The following ZSCAN29 variants were observed in gnomAD, a reference collection of about 807,000 sequenced individuals.
ZSCAN29 encodes the protein zinc finger and SCAN domain containing 29, also known as zinc finger and SCAN domain-containing protein 29.
ZSCAN29 carries 55 observed loss-of-function variants against 71.9 expected under a neutral mutation model. The observed-to-expected ratio is 0.76, with a 90% CI of 0.62 to 0.96. The LOEUF is 0.96. Ranked by LOEUF, ZSCAN29 falls within the 40% of genes least tolerant of loss-of-function variation. The pLI is 0.00. For missense variants in ZSCAN29, 1,042 were observed against 1,042.2 expected (o/e 1.00, Z 0.00); for synonymous variants, 351 against 371.6 (o/e 0.94, Z 0.64).
chr15:43,363,940 A>G lies in ZSCAN29; in HGVS notation c.1665T>C (p.Ala555=). The G allele has an allele frequency of 6.2e-7, 1 of 1,607,278 alleles. No individual in the cohort carries two copies. The highest frequency in any genetic ancestry group is 8.5e-7 in the Non-Finnish European group (1 of 1,174,912). ...EIPPGAVITR[A]PVLFQSPRGF... ...CACGGGGGCTTTGGAATAACACTGGAGCACGGGTTATGACAGCCCCTGGGG... is the reference window on the plus strand; with the variant it reads ...CACGGGGGCTTTGGAATAACACTGGGGCACGGGTTATGACAGCCCCTGGGG... The change falls in exon 5 of 6, where the codon GCT becomes GCC. Residue 555 remains alanine (A), a synonymous_variant. Coordinates refer to ENST00000684362, the MANE Select transcript of ZSCAN29 (RefSeq NM_001372080.1).
Position 43,361,257 on chromosome 15 carries a change from C to T in ZSCAN29, c.2375G>A (p.Cys792Tyr). The T allele has an allele frequency of 6.2e-7, 1 of 1,614,194 alleles. No homozygotes were observed. The highest frequency in any genetic ancestry group is 8.5e-7 in the Non-Finnish European group (1 of 1,180,040). ...ACTGAAACTCTTTCCACAGTCAGGACACACATGGGGTCTCTCTCCTGTGTG... is the reference window on the plus strand; with the variant it reads ...ACTGAAACTCTTTCCACAGTCAGGATACACATGGGGTCTCTCTCCTGTGTG... ...RIHTGERPHVCPDCGKSFSKS... is the reference protein window; with the variant it reads ...RIHTGERPHVYPDCGKSFSKS... The change falls in exon 6 of 6, where the codon TGT (cysteine) becomes TAT (tyrosine). Residue 792 changes from cysteine (C) to tyrosine (Y), a missense_variant. By Grantham distance (194) the Cys-to-Tyr change is radical (BLOSUM62 -2). Transcript: ENST00000684362.
intron 3 of ZSCAN29, among the ~76,000 whole-genome samples, chr15:43,368,162 TC>T (rs991144323): frequency 6.6e-6 from 1 of 152,072 alleles, no homozygotes; most frequent in African/African-American, 2.4e-5. Context: ...ATAATTTAGT[TC>T]CCCACAATTA....
chr15:43,363,004 T>C (rs889463067), intron 5 of ZSCAN29, among the ~76,000 whole-genome samples: 1 of 152,046 alleles, frequency 6.6e-6, no homozygotes, highest in Non-Finnish European at 1.5e-5. Context: ...CTTTTTTTTT[T>C]TTTTCATTCG....
chr15:43,361,615 G>T lies in ZSCAN29; in HGVS notation c.2017C>A (p.Gln673Lys), dbSNP rs780255136. ...GCACATTTATATGGATTTTCCACCT[G>T]GTGGGATACCTGATGCATGAGAAGG... ...NSLLMHQVSH[Q>K]VENPYKCADC... The change falls in exon 6 of 6, where the codon CAG becomes AAG. Residue 673 changes from glutamine to lysine, a missense_variant. Gln to Lys is a moderately conservative substitution (Grantham distance 53). Coordinates refer to ENST00000684362, the MANE Select transcript of ZSCAN29 (RefSeq NM_001372080.1). The T allele has an allele frequency of 1.9e-6, 3 of 1,614,070 alleles. No homozygotes were observed. Among genetic ancestry groups the T allele is most frequent in the Non-Finnish European group, 2.5e-6 (3 of 1,180,042 alleles).
Position 43,361,485 on chromosome 15 carries a change from C to T in ZSCAN29, c.2147G>A (p.Arg716His), listed in dbSNP as rs368532710. The change falls in exon 6 of 6, where the codon CGT becomes CAT. Residue 716 changes from arginine to histidine, a missense_variant. Coordinates refer to ENST00000684362, the MANE Select transcript of ZSCAN29 (RefSeq NM_001372080.1). ...ATGGGTGATGAAATTTGAACTGTCA[C>T]GGAAACTTTTTCCACAGTCAAGACA... ...YKCLDCGKSFRDSSNFITHRR... is the reference protein window; with the variant it reads ...YKCLDCGKSFHDSSNFITHRR... The T allele has an allele frequency of 4.1e-5, 66 of 1,613,446 alleles. No individual in the cohort carries two copies. Among genetic ancestry groups the T allele is most frequent in the East Asian group, 6.7e-5 (3 of 44,890 alleles).
In ZSCAN29 at chr15:43,361,138, C is replaced by A. The variant is rs745700387; in HGVS notation, c.2494G>T (p.Ala832Ser). The part of the protein sequence containing the change: ...DCGKCFSKSS[A>S]LNKHGEIHAR... ...TGGATTTCTCCGTGCTTATTAAGGG[C>A]AGAGCTTTTACTGAAGCACTTACCA... Residue 832 changes from alanine (A) to serine (S), a missense_variant, in exon 6 of 6, where the codon GCC (alanine) becomes TCC (serine). By Grantham distance (99) the Ala-to-Ser change is moderately conservative. Transcript: ENST00000684362. 3.1e-6 allele frequency: 5 copies of A among 1,613,676 alleles called. No individual in the cohort carries two copies.
In ZSCAN29 at chr15:43,360,138, A is replaced by T. The variant is rs921605704; in HGVS notation, c.*935T>A. The stretch of plus-strand genomic sequence containing the variant: ...CCTAGGCAGGCAGATCATGAGGTCA[A>T]TTCAAAACCAGCCTGGCCAACATGG... On this transcript the variant is annotated 3_prime_UTR_variant, in exon 6 of 6. Transcript: ENST00000684362. 1 of 151,282 alleles carries T rather than the reference A, an allele frequency of 6.6e-6. No homozygotes were observed. Among genetic ancestry groups the T allele is most frequent in the African/African-American group, 2.4e-5 (1 of 41,052 alleles). 9.4% of individuals were successfully genotyped at this position (151,282 alleles called of 1,614,324 possible).
In ZSCAN29 at chr15:43,366,186, G is replaced by T. The variant is rs1269600048; in HGVS notation, c.1146C>A (p.Asp382Glu). The change falls in exon 4 of 6, where the codon GAC becomes GAA. Residue 382 changes from aspartate to glutamate, a missense_variant. Transcript: ENST00000684362. ...TCGCCTCTAGATCCATGTCATCACTGTCAGACTCCTGAGCCACAGCCTCTT... is the reference window on the plus strand; with the variant it reads ...TCGCCTCTAGATCCATGTCATCACTTTCAGACTCCTGAGCCACAGCCTCTT... Reference protein sequence around the residue: ...GAEEAVAQESDSDDMDLEATP... With the variant: ...GAEEAVAQESESDDMDLEATP... 6.2e-7 allele frequency: 1 copy of T among 1,613,914 alleles called. No individual in the cohort carries two copies. Among genetic ancestry groups the T allele is most frequent in the Non-Finnish European group, 8.5e-7 (1 of 1,180,032 alleles).
rs1420076800 is a variant in ZSCAN29 at position 43,361,604 on chromosome 15, A to T, written c.2028T>A (p.Asn676Lys). Residue 676 changes from asparagine (N) to lysine (K), a missense_variant, in exon 6 of 6, where the codon AAT (asparagine) becomes AAA (lysine). Asn to Lys is a moderately conservative substitution (Grantham distance 94, BLOSUM62 0). Coordinates refer to ENST00000684362, the MANE Select transcript of ZSCAN29 (RefSeq NM_001372080.1). ...LMHQVSHQVE[N>K]PYKCADCGKS... ...TCCCACAATCAGCACATTTATATGG[A>T]TTTTCCACCTGGTGGGATACCTGAT... 6.2e-7 allele frequency: 1 copy of T among 1,614,164 alleles called. No homozygotes were observed. The highest frequency in any genetic ancestry group is 1.1e-5 in the South Asian group (1 of 91,086).
chr15:43,367,667 T>C (rs2044053320), intron 3 of ZSCAN29, among the ~76,000 whole-genome samples: 1 of 152,216 alleles, frequency 6.6e-6, no homozygotes, highest in African/African-American at 2.4e-5. Context: ...TATAGTGTTC[T>C]CAATCATGTT....
At chr15:43,369,310 C>A (rs1411926340) in intron 2 of ZSCAN29, 183 bp from the exon 3 acceptor site, 11 of 619,002 alleles carry the variant, frequency 1.8e-5, no homozygotes, top group Non-Finnish European at 2.8e-5. Flanking sequence ...GTTGAAACTC[C>A]AGAAGGAAAC....
At chr15:43,362,112 T>C (rs2043988488) in intron 5 of ZSCAN29, among the ~76,000 whole-genome samples, 171 bp from the exon 6 acceptor site, 1 of 152,240 alleles carries the variant, frequency 6.6e-6, no homozygotes, top group Non-Finnish European at 1.5e-5. Flanking sequence ...ACTTCTCTAC[T>C]TGTTAACCTA....
chr15:43,360,965 GA>G lies in ZSCAN29; in HGVS notation c.*107del, dbSNP rs1376396157. ...CAAACAGTGGCATAAATCCTAAAGT[GA>G]ATTTCCTAAGCTAACTGGACACAGA... On this transcript the variant is annotated 3_prime_UTR_variant, in exon 6 of 6. Coordinates refer to ENST00000684362, the MANE Select transcript of ZSCAN29 (RefSeq NM_001372080.1). 5 of 1,417,926 alleles carry G rather than the reference GA, an allele frequency of 3.5e-6. No homozygotes were observed. The highest frequency in any genetic ancestry group is 2.8e-6 in the Non-Finnish European group (3 of 1,056,082). 87.8% of individuals were successfully genotyped at this position (1,417,926 alleles called of 1,614,324 possible). A position where few individuals can be genotyped will look rare whatever the true frequency, so the allele number is the denominator to read the frequency against.
rs2044044303 is a variant in ZSCAN29 at position 43,366,747 on chromosome 15, TG to T, written c.584del (p.Pro195GlnfsTer17). ...CTTTCTCCTTAGAGCCCAGCAGATCTGGGATCCATGGCTCTCCTTGCTCCAA... is the reference window on the plus strand; with the variant it reads ...CTTTCTCCTTAGAGCCCAGCAGATCTGGATCCATGGCTCTCCTTGCTCCAA... ...SRLEQGEPWI[P>X]DLLGSKEKEL... On this transcript the variant is annotated frameshift_variant, in exon 4 of 6. Transcript: ENST00000684362. LOFTEE classifies it high-confidence loss of function. 1.2e-6 allele frequency: 2 copies of T among 1,614,116 alleles called. No individual in the cohort carries two copies. Among genetic ancestry groups the T allele is most frequent in the African/African-American group, 1.3e-5 (1 of 74,942 alleles).
At position 43,360,966 on chromosome 15, in the gene ZSCAN29, A is replaced by C; in HGVS notation, c.*107T>G. The C allele has an allele frequency of 2.1e-6, 3 of 1,423,900 alleles. No homozygotes were observed. The East Asian group carries it at 6.9e-5, about 33-fold the overall frequency. The allele number at this position is 1,423,900 out of a possible 1,614,324, so 88.2% of individuals were successfully genotyped here. On this transcript the variant is annotated 3_prime_UTR_variant, in exon 6 of 6. Transcript: ENST00000684362. ...AAACAGTGGCATAAATCCTAAAGTG[A>C]ATTTCCTAAGCTAACTGGACACAGA... is the stretch of plus-strand genomic sequence containing the variant.
At chr15:43,367,395 A>G (rs2044049992) in intron 3 of ZSCAN29, among the ~76,000 whole-genome samples, 1 of 152,170 alleles carries the variant, frequency 6.6e-6, no homozygotes, top group African/African-American at 2.4e-5. Context: ...AGTGCCTACC[A>G]TACCCATTCC....
chr15:43,369,324 C>G, intron 2 of ZSCAN29, 197 bp from the exon 3 acceptor site: 1 of 605,724 alleles, frequency 1.7e-6, no homozygotes, highest in Non-Finnish European at 2.7e-6. Context: ...AGGAAACGAT[C>G]AAAATAGTAA....
chr15:43,367,106 G>A (rs1466287308), intron 3 of ZSCAN29, among the ~76,000 whole-genome samples: 1 of 152,218 alleles, frequency 6.6e-6, no homozygotes, highest in East Asian at 1.9e-4. Context: ...GTACTGCTGG[G>A]AATAATTGTT....
At position 43,361,780 on chromosome 15, in the gene ZSCAN29, C is replaced by G; in HGVS notation, c.1852G>C (p.Ala618Pro). 1 of 1,614,196 alleles carries G rather than the reference C, an allele frequency of 6.2e-7. No homozygotes were observed. Among genetic ancestry groups the G allele is most frequent in the South Asian group, 1.1e-5 (1 of 91,084 alleles). Residue 618 changes from alanine (A) to proline (P), a missense_variant, in exon 6 of 6, where the codon GCA becomes CCA. By Grantham distance (27) the Ala-to-Pro change is conservative. Transcript: ENST00000684362. ...CCTCTTTTCTCCCCTGAGGTCTTTG[C>G]CCACTGTCTTCCTGATCTACAGTCA... Reference protein sequence around the residue: ...ESDCRSGRQWAKTSGEKRGKL... With the variant: ...ESDCRSGRQWPKTSGEKRGKL...
Sources: gnomAD v4.1 joint callset for allele counts (sites outside exome capture counted in the v4.1 genomes callset) on GRCh38, gnomAD v4.1.1 for gene constraint, MANE v1.5 for transcripts, NCBI Gene and HGNC (gene_info 2026-07-23, HGNC 2026-07-21) for gene names.